GANC: variants seen among roughly 807,000 people sequenced by gnomAD.
GANC encodes the protein glucosidase alpha, neutral C.
A neutral mutation model predicts 124.2 loss-of-function variants in GANC; 117 were observed. That is an observed-to-expected ratio of 0.94 (90% confidence interval 0.81 to 1.10). The LOEUF (loss-of-function observed/expected upper bound fraction) is 1.10, where lower values mean the gene tolerates loss of function less well. GANC is among the 50% of genes least tolerant of loss of function. The pLI is 0.00. For missense variants in GANC, 1,140 were observed against 1,095.0 expected (o/e 1.04, Z -0.58); for synonymous variants, 377 against 376.8 (o/e 1.00, Z -0.01).
chr15:42,343,298 A>C, intron 19 of GANC, 144 bp downstream of exon 19: 1 of 677,136 alleles, frequency 1.5e-6, no homozygotes, highest in Non-Finnish European at 2.5e-6. Flanking sequence ...AGTCATGACC[A>C]CTGTCCTCAG....
At chr15:42,328,164 T>C (rs1385476674) in intron 13 of GANC, among the ~76,000 whole-genome samples, 1 of 152,228 alleles carries the variant, frequency 6.6e-6, no homozygotes. Context: ...GTTTGTGCCC[T>C]AAGCCCAGCT....
At chr15:42,350,026 T>C (rs904735561) in intron 22 of GANC, among the ~76,000 whole-genome samples, 216 of 99,782 alleles carry the variant, frequency 2.2e-3, no homozygotes, top group African/African-American at 0.011. Context: ...CCCCCACTTT[T>C]TTTTTTTTTT....
At chr15:42,317,630 G>T (rs979857689) in intron 10 of GANC, among the ~76,000 whole-genome samples, 1 of 151,450 alleles carries the variant, frequency 6.6e-6, no homozygotes, top group African/African-American at 2.4e-5. Flanking sequence ...GTGCATTTTA[G>T]ATGGGTAAAT....
chr15:42,331,818 A>G (rs1173771739), intron 15 of GANC, among the ~76,000 whole-genome samples: 4 of 152,094 alleles, frequency 2.6e-5, no homozygotes, highest in Non-Finnish European at 5.9e-5. Context: ...TCTTTTTTTA[A>G]TTTTCATAAG....
intron 3 of GANC, among the ~76,000 whole-genome samples, chr15:42,282,521 A>C (rs974437473): frequency 2.0e-5 from 3 of 152,208 alleles, no homozygotes; most frequent in African/African-American, 4.8e-5. Context: ...TAAGAGGATC[A>C]TATTCAGCTC....
At chr15:42,339,315 C>CAT (rs1310609280) in intron 16 of GANC, among the ~76,000 whole-genome samples, 2 of 133,306 alleles carry the variant, frequency 1.5e-5, no homozygotes, top group African/African-American at 6.4e-5. Context: ...AACACACACA[C>CAT]ACACACACAC....
chr15:42,342,239 C>T (rs1424809782), intron 18 of GANC, among the ~76,000 whole-genome samples: 2 of 152,150 alleles, frequency 1.3e-5, no homozygotes, highest in African/African-American at 2.4e-5. Context: ...GTGAATTTTA[C>T]ATACGTGTTG....
At chr15:42,324,144 G>C (rs1452428952) in intron 11 of GANC, among the ~76,000 whole-genome samples, 2 of 151,710 alleles carry the variant, frequency 1.3e-5, no homozygotes, top group Non-Finnish European at 2.9e-5. Flanking sequence ...TCTCTCCAAA[G>C]AAGATACACA....
At chr15:42,281,043 G>GATAAAC (rs752873943) in intron 3 of GANC, 15 of 702,406 alleles carry the variant, frequency 2.1e-5, no homozygotes, top group South Asian at 2.1e-4. Context: ...TGAGGAGCCT[G>GATAAAC]ATAAACAAGG....
Position 42,283,540 on chromosome 15 carries a change from T to C in GANC, c.202-4151T>C, listed in dbSNP as rs940566838. 9.1e-6 allele frequency: 6 copies of C among 658,360 alleles called. No individual in the cohort carries two copies. The Admixed American group carries it at 1.1e-4, about 12-fold the overall frequency. The allele number at this position is 658,360 out of a possible 1,614,324, so 40.8% of individuals were successfully genotyped here. ...CAAGGATGTCTGGAGCAATCTACTT[T>C]ATATTGCTAATTATGATGCTTTCTC... On this transcript the variant is annotated intron_variant, in intron 3 of 23. Transcript: ENST00000318010.
In GANC at chr15:42,301,173, T is replaced by C. The variant is rs190948363; in HGVS notation, c.558+3517T>C. Among the ~76,000 whole-genome samples the C allele has an allele frequency of 2.8e-3, 429 of 152,226 alleles. 5 individuals are homozygous for C. Among genetic ancestry groups the C allele is most frequent in the Non-Finnish European group, 1.0e-3 (71 of 68,012 alleles). ...AACTGAAGTGCCCTGACTCATCTCA[T>C]TGGGACTGGTTAGAGAGTGGGTGCA... On this transcript the variant is annotated intron_variant, in intron 6 of 23. Coordinates refer to ENST00000318010, the MANE Select transcript of GANC (RefSeq NM_198141.3).
At chr15:42,330,100 G>C (rs1358539880) in intron 14 of GANC, among the ~76,000 whole-genome samples, 1 of 152,050 alleles carries the variant, frequency 6.6e-6, no homozygotes, top group Non-Finnish European at 1.5e-5. Context: ...GGGATCTTTT[G>C]GCTAAATATA....
intron 19 of GANC, chr15:42,344,625 C>T (rs1056276588): frequency 6.6e-6 from 1 of 152,232 alleles, no homozygotes; most frequent in Non-Finnish European, 1.5e-5. Context: ...AGTAACCAGG[C>T]TTCTCTCCAG....
At chr15:42,311,587 A>G (rs1179297138) in intron 10 of GANC, among the ~76,000 whole-genome samples, 6 of 152,200 alleles carry the variant, frequency 3.9e-5, no homozygotes. Flanking sequence ...GGCCTCAGGA[A>G]ACTTAACAAT....
At chr15:42,333,856 T>A (rs2052264580) in intron 15 of GANC, among the ~76,000 whole-genome samples, 1 of 152,190 alleles carries the variant, frequency 6.6e-6, no homozygotes. Context: ...TTTTAGGGTT[T>A]TCTTTGGAAG....
intron 16 of GANC, 69 bp from the exon 17 acceptor site, chr15:42,339,600 C>T (rs1595783690): frequency 4.5e-6 from 7 of 1,564,814 alleles, no homozygotes; most frequent in Middle Eastern, 3.4e-4. Flanking sequence ...GTCTTCAAGA[C>T]CTTAATTTCC....
In GANC at chr15:42,310,310, C is replaced by A. The variant is rs1707120885; in HGVS notation, c.750C>A (p.Asn250Lys). 1.9e-6 allele frequency: 3 copies of A among 1,608,384 alleles called. No individual in the cohort carries two copies. The highest frequency in any genetic ancestry group is 1.1e-5 in the South Asian group (1 of 90,242). Reference sequence around the variant, plus strand: ...ATGGAGATGCTTACCGTCTTTATAACCTGGATGTCTATGGATACCAAATAT... The same window carrying A: ...ATGGAGATGCTTACCGTCTTTATAAACTGGATGTCTATGGATACCAAATAT... ...TGDGDAYRLY[N>K]LDVYGYQIYD... Residue 250 changes from asparagine (N) to lysine (K), a missense_variant, in exon 9 of 24, where the codon AAC (asparagine) becomes AAA (lysine). Transcript: ENST00000318010.
chr15:42,308,247 C>A lies in GANC; in HGVS notation c.651C>A (p.Phe217Leu). 1.9e-6 allele frequency: 3 copies of A among 1,607,146 alleles called. No individual in the cohort carries two copies. The highest frequency in any genetic ancestry group is 2.6e-6 in the Non-Finnish European group (3 of 1,174,922). ...GCCCTTCTTCTATTGGTTTGGATTT[C>A]TCCTTGCATGGATTTGAGCATCTTT... Reference protein sequence around the residue: ...ANGPSSIGLDFSLHGFEHLYG... With the variant: ...ANGPSSIGLDLSLHGFEHLYG... Residue 217 changes from phenylalanine to leucine, a missense_variant, in exon 8 of 24, where the codon TTC (phenylalanine) becomes TTA (leucine). Physicochemically the swap from Phe to Leu is conservative, Grantham distance 22. Coordinates refer to ENST00000318010, the MANE Select transcript of GANC (RefSeq NM_198141.3).
Position 42,287,673 on chromosome 15 carries a change from T to C in GANC, c.202-18T>C, listed in dbSNP as rs751604120. On this transcript the variant is annotated intron_variant, in intron 3 of 23. Transcript: ENST00000318010. Reference sequence around the variant, plus strand: ...CTTGGGTAACCTGTTGAAGGTAATCTCTTGTATCTGTTTCCAGGTTCCTCT... The same window carrying C: ...CTTGGGTAACCTGTTGAAGGTAATCCCTTGTATCTGTTTCCAGGTTCCTCT... 1.9e-6 allele frequency: 3 copies of C among 1,605,890 alleles called. No individual in the cohort carries two copies. The highest frequency in any genetic ancestry group is 2.5e-6 in the Non-Finnish European group (3 of 1,177,380).
Sources: allele counts gnomAD v4.1 joint callset (sites outside exome capture counted in the v4.1 genomes callset), GRCh38; gene constraint gnomAD v4.1.1; transcripts MANE v1.5; gene names NCBI Gene and HGNC (gene_info 2026-07-23, HGNC 2026-07-21).